GRPR: variants seen among roughly 807,000 people sequenced by gnomAD.
The protein encoded by GRPR is gastrin-releasing peptide receptor.
Under a neutral mutation model 15.6 loss-of-function variants are expected in GRPR, and 4 were observed. The observed-to-expected ratio is 0.26, with a 90% confidence interval of 0.13 to 0.59. The LOEUF (loss-of-function observed/expected upper bound fraction) is 0.59, where lower values mean the gene tolerates loss of function less well. Among genes scored for constraint, GRPR ranks in the 20% least tolerant of loss-of-function variants. GRPR has a pLI of 0.90. For missense variants in GRPR, 270 were observed against 304.1 expected, an observed-to-expected ratio of 0.89 and a Z score of 0.83; for synonymous variants, 128 against 126.8, an observed-to-expected ratio of 1.01 and a Z score of -0.06.
At chrX:16,152,080 TA>T (rs752860532) in intron 2 of GRPR, among the ~76,000 whole-genome samples, 175 bp from the exon 3 acceptor site, 1 of 111,089 alleles carries the variant, frequency 9.0e-6, no homozygotes, top group Admixed American at 9.5e-5. Flanking sequence ...TCTCTCATTT[TA>T]CTGGATTCTC....
chrX:16,149,607 C>T, intron 1 of GRPR, among the ~76,000 whole-genome samples: 1 of 100,478 alleles, frequency 1.0e-5, no homozygotes. Flanking sequence ...CTTAAGGTTC[C>T]CTGAAGTGGA....
intron 1 of GRPR, among the ~76,000 whole-genome samples, chrX:16,149,645 CA>C (rs575381418): frequency 0.06 from 3,662 of 61,026 alleles, 141 homozygotes; most frequent in African/African-American, 0.21. Flanking sequence ...AAGGTTTTGC[CA>C]AAAAAAAAAA....
Position 16,124,228 on chromosome X carries a change from C to T in GRPR, c.275C>T (p.Thr92Met), listed in dbSNP as rs994260006. ...TTGGGAGACCTGCTCCTCCTAATAACGTGTGCTCCAGTGGATGCCAGCAGG... is the reference window on the plus strand; with the variant it reads ...TTGGGAGACCTGCTCCTCCTAATAATGTGTGCTCCAGTGGATGCCAGCAGG... Reference protein sequence around the residue: ...LALGDLLLLITCAPVDASRYL... With the variant: ...LALGDLLLLIMCAPVDASRYL... The change falls in exon 1 of 3, where the codon ACG (threonine) becomes ATG (methionine). Residue 92 changes from threonine to methionine, a missense_variant. Physicochemically the swap from Thr to Met is moderately conservative, Grantham distance 81 (BLOSUM62 -1). This residue lies in a region of GRPR where 115 missense variants were observed against 128.8 expected (regional missense o/e 0.89). Coordinates refer to ENST00000380289, the MANE Select transcript of GRPR (RefSeq NM_005314.3). 1.7e-6 allele frequency: 2 copies of T among 1,210,773 alleles called. No individual in the cohort carries two copies. The highest frequency in any genetic ancestry group is 2.2e-6 in the Non-Finnish European group (2 of 894,508).
Position 16,123,815 on chromosome X carries a change from A to G in GRPR, c.-139A>G. 2 of 529,344 alleles carry G rather than the reference A, an allele frequency of 3.8e-6. No individual in the cohort carries two copies. The highest frequency in any genetic ancestry group is 6.6e-6 in the Non-Finnish European group (2 of 303,537). The allele number at this position is 529,344 out of a possible 1,213,427, so 43.6% of individuals were successfully genotyped here. On this transcript the variant is annotated 5_prime_UTR_variant, in exon 1 of 3. Transcript: ENST00000380289. ...GAGAGTTTTGAATACCATAGTTAGT[A>G]TATATGTACTCAGAGTATTTTTATT... is the stretch of plus-strand genomic sequence containing the variant.
In GRPR at chrX:16,152,248, C is replaced by T. The variant is rs760019957; in HGVS notation, c.766-8C>T. ...CCTCTGTCTCTCTCCATGTGATTCT[C>T]TCCTTAGATTGAATCCCGGAAGCGA... On this transcript the variant is annotated splice_region_variant and splice_polypyrimidine_tract_variant and intron_variant, in intron 2 of 2. Transcript: ENST00000380289. 8.3e-6 allele frequency: 10 copies of T among 1,199,028 alleles called. No homozygotes were observed. Among genetic ancestry groups the T allele is most frequent in the Admixed American group, 2.2e-5 (1 of 46,019 alleles).
At chrX:16,146,802 A>C (rs374500929) in intron 1 of GRPR, among the ~76,000 whole-genome samples, 10 of 112,322 alleles carry the variant, frequency 8.9e-5, no homozygotes, top group African/African-American at 3.2e-4. Flanking sequence ...TTCTACATAC[A>C]TTTGAGAAAC....
rs757789166 is a variant in GRPR, at chrX:16,150,341, C to G, written c.450C>G (p.Ala150=). The G allele has an allele frequency of 8.3e-7, 1 of 1,206,362 alleles. No homozygotes were observed. The highest frequency in any genetic ancestry group is 1.7e-5 in the African/African-American group (1 of 57,656). Residue 150 remains alanine, a synonymous_variant, in exon 2 of 3, where the codon GCC becomes GCG. Coordinates refer to ENST00000380289, the MANE Select transcript of GRPR (RefSeq NM_005314.3). ...KAIVRPMDIQ[A]SHALMKICLK... is the part of the protein sequence containing the mutation. ...TTGTCCGGCCAATGGATATCCAGGCCTCTCATGCCCTGATGAAGATCTGCC... is the reference window on the plus strand; with the variant it reads ...TTGTCCGGCCAATGGATATCCAGGCGTCTCATGCCCTGATGAAGATCTGCC...
chrX:16,125,050 C>T (rs1336342878), intron 1 of GRPR, among the ~76,000 whole-genome samples: 1 of 112,192 alleles, frequency 8.9e-6, no homozygotes, highest in African/African-American at 3.2e-5. Flanking sequence ...CTTCATATAC[C>T]ATGCTTTTGG....
At position 16,152,768 on chromosome X, in the gene GRPR, T is replaced by C. The variant is rs1045299451; in HGVS notation, c.*123T>C. 6 of 525,623 alleles carry C rather than the reference T, an allele frequency of 1.1e-5. No individual in the cohort carries two copies. In the African/African-American group the frequency reaches 1.5e-4, roughly 13 times the overall value. 43.3% of individuals were successfully genotyped at this position (525,623 alleles called of 1,213,427 possible). On this transcript the variant is annotated 3_prime_UTR_variant, in exon 3 of 3. Coordinates refer to ENST00000380289, the MANE Select transcript of GRPR (RefSeq NM_005314.3). ...TCAGAATGCTCCTGAGTGGTGTAGGTGGGGGTGGGGAGGCCCAAATGATGG... is the reference window on the plus strand; with the variant it reads ...TCAGAATGCTCCTGAGTGGTGTAGGCGGGGGTGGGGAGGCCCAAATGATGG...
intron 1 of GRPR, among the ~76,000 whole-genome samples, chrX:16,127,806 C>G (rs1922316566): frequency 9.0e-6 from 1 of 111,712 alleles, no homozygotes; most frequent in Admixed American, 9.5e-5. Flanking sequence ...ATTGTTTTTT[C>G]TATCTTCTTG....
chrX:16,129,733 C>T (rs1479787358), intron 1 of GRPR, among the ~76,000 whole-genome samples: 1 of 111,649 alleles, frequency 9.0e-6, no homozygotes, highest in Non-Finnish European at 1.9e-5. Flanking sequence ...ATTTAGGCAT[C>T]CCATTGATGA....
chrX:16,125,418 C>T (rs1922275298), intron 1 of GRPR, among the ~76,000 whole-genome samples: 1 of 112,197 alleles, frequency 8.9e-6, no homozygotes, highest in Admixed American at 9.4e-5. Context: ...ATAAATTTTT[C>T]ACTTATAATC....
At chrX:16,139,899 C>A (rs1366543029) in intron 1 of GRPR, among the ~76,000 whole-genome samples, 1 of 112,532 alleles carries the variant, frequency 8.9e-6, no homozygotes, top group Non-Finnish European at 1.9e-5. Context: ...TCCTCTAATT[C>A]TTGAAAAGTG....
intron 2 of GRPR, among the ~76,000 whole-genome samples, chrX:16,151,388 C>T (rs1922699901): frequency 8.9e-6 from 1 of 111,743 alleles, no homozygotes; most frequent in African/African-American, 3.3e-5. Flanking sequence ...GCCTTCTAGC[C>T]CAGGTGTAGA....
At chrX:16,131,512 A>G (rs79160421) in intron 1 of GRPR, among the ~76,000 whole-genome samples, 1,814 of 111,841 alleles carry the variant, frequency 0.016, 65 homozygotes, top group East Asian at 0.13. Context: ...TTACATTTGT[A>G]TGAATTTTGA....
Position 16,152,737 on chromosome X carries a change from G to A in GRPR, c.*92G>A. The A allele has an allele frequency of 2.5e-6, 2 of 814,959 alleles. No individual in the cohort carries two copies. Among genetic ancestry groups the A allele is most frequent in the Non-Finnish European group, 3.7e-6 (2 of 538,307 alleles). 67.2% of individuals were successfully genotyped at this position (814,959 alleles called of 1,213,427 possible). ...CATTGTTGTGTCTGTGCCCTCCAAA[G>A]AGCCTTCAGAATGCTCCTGAGTGGT... On this transcript the variant is annotated 3_prime_UTR_variant, in exon 3 of 3. Transcript: ENST00000380289.
chrX:16,152,462 G>C lies in GRPR; in HGVS notation c.972G>C (p.Leu324=), dbSNP rs1307626913. 4 of 1,208,330 alleles carry C rather than the reference G, an allele frequency of 3.3e-6. No homozygotes were observed. The highest frequency in any genetic ancestry group is 4.5e-6 in the Non-Finnish European group (4 of 893,743). Residue 324 remains leucine, a synonymous_variant, in exon 3 of 3, where the codon CTG becomes CTC. Coordinates refer to ENST00000380289, the MANE Select transcript of GRPR (RefSeq NM_005314.3). ...GCGTGAACCCCTTTGCCCTCTACCT[G>C]CTGAGCAAGAGTTTCAGGAAACAGT... is the stretch of plus-strand genomic sequence containing the variant. ...NSCVNPFALY[L]LSKSFRKQFN...
intron 1 of GRPR, among the ~76,000 whole-genome samples, chrX:16,141,448 G>A (rs1323843074): frequency 8.9e-6 from 1 of 111,966 alleles, no homozygotes; most frequent in Non-Finnish European, 1.9e-5. Context: ...TCCAGCCTCT[G>A]GTTTCTAGTC....
chrX:16,131,983 G>T (rs1010267603), intron 1 of GRPR, among the ~76,000 whole-genome samples: 2 of 112,191 alleles, frequency 1.8e-5, no homozygotes, highest in Non-Finnish European at 3.8e-5. Context: ...TTTACTGTCT[G>T]TCTGCCACCA....
Sources: allele counts gnomAD v4.1 joint callset (sites outside exome capture counted in the v4.1 genomes callset), GRCh38; gene constraint gnomAD v4.1.1; regional missense constraint gnomAD v4.1.1; transcripts MANE v1.5; gene names NCBI Gene and HGNC (gene_info 2026-07-23, HGNC 2026-07-21).